The following THAP10 variants were observed in gnomAD, a reference collection of about 807,000 sequenced individuals.
THAP10 encodes THAP domain-containing protein 10.
In THAP10, 10 loss-of-function variants were observed where a neutral mutation model predicts 15.7. The ratio of observed to expected loss-of-function variants is 0.64; its 90% CI spans 0.39 to 1.08. The LOEUF is 1.08. THAP10 is among the 50% of genes least tolerant of loss of function. The pLI is 0.01. For missense variants in THAP10, 310 were observed against 330.9 expected (o/e 0.94, Z 0.49); for synonymous variants, 127 against 129.1 (o/e 0.98, Z 0.11).
intron 1 of THAP10, among the ~76,000 whole-genome samples, chr15:70,883,245 G>A (rs546727523): frequency 2.6e-5 from 4 of 151,378 alleles, no homozygotes; most frequent in South Asian, 4.2e-4. Context: ...AAGCTGGAGC[G>A]CAATGGTGCC....
chr15:70,888,308 T>C (rs1457845956), intron 1 of THAP10, among the ~76,000 whole-genome samples: 2 of 152,208 alleles, frequency 1.3e-5, no homozygotes, highest in African/African-American at 4.8e-5. Flanking sequence ...TGTGATACTT[T>C]TGCTTAGGCA....
intron 1 of THAP10, among the ~76,000 whole-genome samples, chr15:70,884,328 T>C (rs1211850716): frequency 6.6e-6 from 1 of 151,664 alleles, no homozygotes; most frequent in Non-Finnish European, 1.5e-5. Flanking sequence ...AGGTCAGGAG[T>C]TCGAGATCAG....
Position 70,884,453 on chromosome 15 carries a change from G to A in THAP10, c.430-1545C>T, listed in dbSNP as rs147518146. Among the ~76,000 whole-genome samples, 548 of 152,144 alleles carry A rather than the reference G, an allele frequency of 3.6e-3. 4 individuals are homozygous for A. Among genetic ancestry groups the A allele is most frequent in the African/African-American group, 0.013 (525 of 41,510 alleles). ...AATAATTGCTTGAAGCCGGGAGGCA[G>A]AGGTTGCAGTGAGCCAAGATCACAC... is the stretch of plus-strand genomic sequence containing the variant. On this transcript the variant is annotated intron_variant, in intron 1 of 2. Coordinates refer to ENST00000249861, the MANE Select transcript of THAP10 (RefSeq NM_020147.4).
At position 70,892,226 on chromosome 15, in the gene THAP10, G is replaced by T. The variant is rs763345768; in HGVS notation, c.47C>A (p.Ser16Tyr). Residue 16 changes from serine (S) to tyrosine (Y), a missense_variant, in exon 1 of 3, where the codon TCT becomes TAT. By Grantham distance (144) the Ser-to-Tyr change is moderately radical (BLOSUM62 -2). Transcript: ENST00000249861. ...VAAHCGNTTK[S>Y]GKSLFRFPKD... is the part of the protein sequence containing the mutation. Reference sequence around the variant, plus strand: ...GGGAAAGCGGAACAGCGACTTCCCAGACTTGGTGGTGTTGCCGCAGTGGGC... The same window carrying T: ...GGGAAAGCGGAACAGCGACTTCCCATACTTGGTGGTGTTGCCGCAGTGGGC... 3.1e-6 allele frequency: 5 copies of T among 1,594,486 alleles called. No individual in the cohort carries two copies. The South Asian group carries it at 5.7e-5, about 18-fold the overall frequency.
chr15:70,887,702 C>G (rs545029920), intron 1 of THAP10, among the ~76,000 whole-genome samples: 30 of 152,096 alleles, frequency 2.0e-4, no homozygotes, highest in Non-Finnish European at 4.3e-4. Context: ...AAGGATTCCC[C>G]TCACCTCTTC....
At chr15:70,889,069 T>C (rs911071863) in intron 1 of THAP10, among the ~76,000 whole-genome samples, 1 of 152,202 alleles carries the variant, frequency 6.6e-6, no homozygotes, top group Non-Finnish European at 1.5e-5. Flanking sequence ...TGTAATACTA[T>C]GACCCAGCAA....
At chr15:70,886,352 A>C (rs1388382791) in intron 1 of THAP10, among the ~76,000 whole-genome samples, 1 of 152,218 alleles carries the variant, frequency 6.6e-6, no homozygotes, top group Non-Finnish European at 1.5e-5. Context: ...TGAATTCTAC[A>C]TTTGTGAAAT....
intron 1 of THAP10, among the ~76,000 whole-genome samples, chr15:70,887,386 A>AT (rs1451605693): frequency 6.6e-6 from 1 of 152,140 alleles, no homozygotes; most frequent in Non-Finnish European, 1.5e-5. Context: ...TTTAGCTAAT[A>AT]TTTTATTAAG....
chr15:70,890,540 A>C (rs1014678841), intron 1 of THAP10, among the ~76,000 whole-genome samples: 1 of 152,238 alleles, frequency 6.6e-6, no homozygotes, highest in Non-Finnish European at 1.5e-5. Flanking sequence ...TGGAGCTTAC[A>C]TTCTAATATG....
At chr15:70,890,078 A>G (rs1051179030) in intron 1 of THAP10, among the ~76,000 whole-genome samples, 1 of 152,214 alleles carries the variant, frequency 6.6e-6, no homozygotes, top group African/African-American at 2.4e-5. Context: ...TTTATTATGT[A>G]TGCTGGATCT....
At chr15:70,887,070 T>A (rs1344250021) in intron 1 of THAP10, among the ~76,000 whole-genome samples, 1 of 152,076 alleles carries the variant, frequency 6.6e-6, no homozygotes, top group Non-Finnish European at 1.5e-5. Flanking sequence ...ATACTATTTA[T>A]CAAAATGGAT....
Position 70,892,008 on chromosome 15 carries a change from G to A in THAP10, c.265C>T (p.Leu89=), listed in dbSNP as rs139751830. ...LRLVAGAVPT[L]HRVPAPAPKR... The stretch of plus-strand genomic sequence containing the variant: ...GGTGCCGGGGCGGGCACCCGGTGCA[G>A]GGTGGGCACGGCGCCTGCCACCAGC... Residue 89 remains leucine (L), a synonymous_variant, in exon 1 of 3, where the codon CTG becomes TTG. Transcript: ENST00000249861. 3.2e-5 allele frequency: 51 copies of A among 1,612,962 alleles called. 2 individuals are homozygous for A. In the African/African-American group the frequency reaches 4.1e-4, roughly 13 times the overall value.
chr15:70,892,159 C>T lies in THAP10; in HGVS notation c.114G>A (p.Arg38=). ...AVRLLWDRFV[R]GCRADWYGGN... ...CTCCGTACCAGTCGGCGCGGCAACC[C>T]CGCACGAAGCGGTCCCAGAGCAGCC... Residue 38 remains arginine (R), a synonymous_variant, in exon 1 of 3, where the codon CGG becomes CGA. Coordinates refer to ENST00000249861, the MANE Select transcript of THAP10 (RefSeq NM_020147.4). 6.2e-7 allele frequency: 1 copy of T among 1,612,482 alleles called. No individual in the cohort carries two copies. Among genetic ancestry groups the T allele is most frequent in the Non-Finnish European group, 8.5e-7 (1 of 1,179,402 alleles).
At chr15:70,891,600 TGTGTGTGTGTGTGTGTGTGA>T (rs2033570553) in intron 1 of THAP10, among the ~76,000 whole-genome samples, 1 of 144,256 alleles carries the variant, frequency 6.9e-6, no homozygotes. Context: ...TGTGTGTGTG[TGTGTGTGTGTGTGTGTGTGA>T]GTTTTGGGGG....
chr15:70,892,414 G>C lies in THAP10; in HGVS notation c.-142C>G. ...GGGATTGTTTCCTTCCCTACCTCTG[G>C]TCACCGGAAGTGGCGATCTGGGGCC... is the stretch of plus-strand genomic sequence containing the variant. On this transcript the variant is annotated 5_prime_UTR_variant, in exon 1 of 3. Transcript: ENST00000249861. The C allele has an allele frequency of 6.5e-7, 1 of 1,539,122 alleles. No individual in the cohort carries two copies. Among genetic ancestry groups the C allele is most frequent in the Non-Finnish European group, 8.7e-7 (1 of 1,146,464 alleles).
intron 1 of THAP10, among the ~76,000 whole-genome samples, chr15:70,890,084 G>A (rs190178430): frequency 6.6e-6 from 1 of 152,270 alleles, no homozygotes; most frequent in East Asian, 1.9e-4. Context: ...ATGTATGCTG[G>A]ATCTGTTTCC....
At position 70,891,884 on chromosome 15, in the gene THAP10, C is replaced by A; in HGVS notation, c.389G>T (p.Cys130Phe). ...CTGCTTCCCAGCTCGGGGGCGTGTA[C>A]AGGAGACTGGACCTGGGGCAGCCTC... is the stretch of plus-strand genomic sequence containing the variant. Reference protein sequence around the residue: ...HSEAAPGPVSCTRPRAGKQAA... With the variant: ...HSEAAPGPVSFTRPRAGKQAA... The change falls in exon 1 of 3, where the codon TGT (cysteine) becomes TTT (phenylalanine). Residue 130 changes from cysteine to phenylalanine, a missense_variant. Transcript: ENST00000249861. The A allele has an allele frequency of 6.2e-7, 1 of 1,611,848 alleles. No individual in the cohort carries two copies. Among genetic ancestry groups the A allele is most frequent in the East Asian group, 2.2e-5 (1 of 44,850 alleles).
intron 1 of THAP10, among the ~76,000 whole-genome samples, chr15:70,885,903 T>C (rs115605946): frequency 0.012 from 1,784 of 152,252 alleles, 43 homozygotes; most frequent in African/African-American, 0.041. Context: ...CAAGTACATA[T>C]GGAACATTTA....
chr15:70,884,543 GA>G (rs1346347850), intron 1 of THAP10, among the ~76,000 whole-genome samples: 66 of 135,736 alleles, frequency 4.9e-4, no homozygotes, highest in South Asian at 1.2e-3. Context: ...TATACACACA[GA>G]AAAAAAAAAA....
Sources: gnomAD v4.1 joint callset for allele counts (sites outside exome capture counted in the v4.1 genomes callset) on GRCh38, gnomAD v4.1.1 for gene constraint, MANE v1.5 for transcripts, NCBI Gene and HGNC (gene_info 2026-07-23, HGNC 2026-07-21) for gene names.